Variants in TFDP2 observed in about 807,000 individuals in gnomAD.
TFDP2 encodes the protein transcription factor Dp-2 (E2F dimerization partner 2).
In TFDP2, 17 loss-of-function variants were observed where a neutral mutation model predicts 59.3. The observed-to-expected ratio is 0.29, with a 90% CI of 0.20 to 0.43. The LOEUF (loss-of-function observed/expected upper bound fraction) is 0.43. Ranked by LOEUF, TFDP2 falls within the 20% of genes least tolerant of loss-of-function variation. TFDP2 has a pLI of 1.00. For missense variants in TFDP2, 391 were observed against 528.8 expected (o/e 0.74, Z 2.56); for synonymous variants, 180 against 194.7 (o/e 0.92, Z 0.63).
chr3:142,010,292 A>G (rs1159627832), intron 3 of TFDP2, among the ~76,000 whole-genome samples: 2 of 152,210 alleles, frequency 1.3e-5, no homozygotes, highest in African/African-American at 4.8e-5. Context: ...TCACATGAAA[A>G]GACGCTTGAT....
chr3:141,968,331 A>G (rs1444603440), intron 9 of TFDP2, among the ~76,000 whole-genome samples: 1 of 115,742 alleles, frequency 8.6e-6, no homozygotes, highest in African/African-American at 3.1e-5. Flanking sequence ...AACATATAAT[A>G]TATATAATAT....
Position 141,946,171 on chromosome 3 carries a change from A to C in TFDP2, c.*6342T>G, listed in dbSNP as rs1019132975. 3.3e-5 allele frequency: 5 copies of C among 152,274 alleles called. No homozygotes were observed. Among genetic ancestry groups the C allele is most frequent in the African/African-American group, 1.2e-4 (5 of 41,454 alleles). 9.4% of individuals were successfully genotyped at this position (152,274 alleles called of 1,614,324 possible). A position where few individuals can be genotyped will look rare whatever the true frequency, so the allele number is the denominator to read the frequency against. On this transcript the variant is annotated 3_prime_UTR_variant, in exon 13 of 13. Coordinates refer to ENST00000489671, the MANE Select transcript of TFDP2 (RefSeq NM_001178139.2). ...TTTTGGTGCAGGCTCTGCCACAGAC[A>C]GGCTGAGGGATGGGAGGCAAGTCAA... is the stretch of plus-strand genomic sequence containing the variant.
chr3:141,988,674 T>C (rs1240030489), intron 6 of TFDP2, among the ~76,000 whole-genome samples: 13 of 147,522 alleles, frequency 8.8e-5, no homozygotes, highest in South Asian at 2.2e-4. Context: ...CTTTTCTTTT[T>C]TTTTTTTTTT....
At chr3:142,123,775 C>G (rs2062136239) in intron 1 of TFDP2, among the ~76,000 whole-genome samples, 1 of 152,052 alleles carries the variant, frequency 6.6e-6, no homozygotes, top group Admixed American at 6.6e-5. Context: ...TATCACTCAC[C>G]ACTATTATTT....
At chr3:142,072,744 TG>T (rs1196651405) in intron 3 of TFDP2, among the ~76,000 whole-genome samples, 6 of 152,214 alleles carry the variant, frequency 3.9e-5, no homozygotes, top group Non-Finnish European at 5.9e-5. Flanking sequence ...AAAGTAGTAT[TG>T]GATTATAACC....
intron 3 of TFDP2, among the ~76,000 whole-genome samples, chr3:142,091,832 C>T (rs1373568003): frequency 6.6e-6 from 1 of 152,112 alleles, no homozygotes; most frequent in Non-Finnish European, 1.5e-5. Flanking sequence ...GTTCGCCCTC[C>T]TATGAGAATC....
intron 6 of TFDP2, among the ~76,000 whole-genome samples, chr3:141,987,265 T>TTGTGTGTGTGTG (rs56988461): frequency 7.5e-6 from 1 of 132,814 alleles, no homozygotes; most frequent in Non-Finnish European, 1.8e-5. Context: ...GCTGTCAGAT[T>TTGTGTGTGTGTG]TGTGTGTGTG....
chr3:142,080,440 A>G (rs2060598592), intron 3 of TFDP2, among the ~76,000 whole-genome samples: 1 of 152,194 alleles, frequency 6.6e-6, no homozygotes, highest in South Asian at 2.1e-4. Flanking sequence ...AGAAGGAATG[A>G]AGAGAACATC....
intron 3 of TFDP2, among the ~76,000 whole-genome samples, chr3:142,015,103 T>G (rs567588577): frequency 1.3e-3 from 203 of 152,330 alleles, no homozygotes; most frequent in Middle Eastern, 0.01. Context: ...TTTCTCCTGG[T>G]TCTCCTCCCA....
intron 1 of TFDP2, among the ~76,000 whole-genome samples, chr3:142,134,351 A>T (rs1010846551): frequency 6.7e-6 from 1 of 149,786 alleles, no homozygotes. Context: ...CCCATCTCAA[A>T]AAAAAAAAAA....
chr3:141,972,522 C>T (rs908180026), intron 8 of TFDP2, among the ~76,000 whole-genome samples: 1 of 152,204 alleles, frequency 6.6e-6, no homozygotes, highest in Non-Finnish European at 1.5e-5. Context: ...CCTAGCCACA[C>T]CCAGCTCCAG....
chr3:142,024,098 A>G (rs894454732), intron 3 of TFDP2, among the ~76,000 whole-genome samples: 2 of 152,172 alleles, frequency 1.3e-5, no homozygotes, highest in Admixed American at 1.3e-4. Flanking sequence ...CCAGCCCATT[A>G]AAAGATTTTT....
chr3:141,986,170 T>C (rs1942077038), intron 6 of TFDP2, among the ~76,000 whole-genome samples: 3 of 152,208 alleles, frequency 2.0e-5, no homozygotes, highest in African/African-American at 7.2e-5. Context: ...GAAGAAAGCT[T>C]TCCTTTTCTT....
intron 1 of TFDP2, among the ~76,000 whole-genome samples, chr3:142,127,510 G>A (rs116432292): frequency 0.024 from 3,668 of 151,840 alleles, 164 homozygotes; most frequent in African/African-American, 0.083. Context: ...ATAATTTTTT[G>A]TATTTTTAGT....
chr3:142,046,669 T>C (rs1185045435), intron 3 of TFDP2, among the ~76,000 whole-genome samples: 3 of 152,124 alleles, frequency 2.0e-5, no homozygotes, highest in Non-Finnish European at 4.4e-5. Context: ...TAGAGAAGGG[T>C]AGAAATCTAC....
intron 2 of TFDP2, chr3:142,094,016 ATAATTTATTTCATT>A: frequency 2.0e-6 from 1 of 491,596 alleles, no homozygotes; most frequent in African/African-American, 2.0e-5. Context: ...TCACTTTTAG[ATAATTTATTTCATT>A]TAAGGTAATA....
At chr3:142,029,150 C>T (rs1946299326) in intron 3 of TFDP2, 1 of 152,536 alleles carries the variant, frequency 6.6e-6, no homozygotes, top group Admixed American at 6.5e-5. Context: ...AAAAGCACCA[C>T]GAGTTTCAGG....
chr3:141,968,981 G>GAT (rs1417859958), intron 9 of TFDP2, among the ~76,000 whole-genome samples: 4 of 74,736 alleles, frequency 5.4e-5, no homozygotes, highest in African/African-American at 1.8e-4. Flanking sequence ...CATATATATA[G>GAT]ATATATATAA....
intron 3 of TFDP2, among the ~76,000 whole-genome samples, chr3:142,033,809 C>T (rs1001595103): frequency 1.3e-5 from 2 of 152,186 alleles, no homozygotes; most frequent in African/African-American, 4.8e-5. Flanking sequence ...GTTGGCTCAG[C>T]TGGCACACAG....
Sources: gnomAD v4.1 joint callset for allele counts (sites outside exome capture counted in the v4.1 genomes callset) on GRCh38, gnomAD v4.1.1 for gene constraint, MANE v1.5 for transcripts, NCBI Gene and HGNC (gene_info 2026-07-23, HGNC 2026-07-21) for gene names.